Variants in ABLIM1 observed in about 807,000 individuals in gnomAD.
ABLIM1 encodes actin binding LIM protein 1.
A neutral mutation model predicts 107.0 loss-of-function variants in ABLIM1; 40 were observed. The observed-to-expected ratio is 0.37, with a 90% CI of 0.29 to 0.49. The LOEUF (loss-of-function observed/expected upper bound fraction) is 0.49. ABLIM1 is among the 20% of genes least tolerant of loss of function. The pLI, the probability that ABLIM1 is intolerant of heterozygous loss-of-function variation, is 0.97. For missense variants in ABLIM1, 857 were observed against 1,008.5 expected (o/e 0.85, Z 2.04); for synonymous variants, 357 against 357.3 (o/e 1.00, Z 0.01).
chr10:114,641,243 A>G (rs1051564635), intron 1 of ABLIM1, among the ~76,000 whole-genome samples: 1 of 136,952 alleles, frequency 7.3e-6, no homozygotes, highest in South Asian at 2.4e-4. Context: ...TGTGAAGCCA[A>G]TCATAAAAAA....
chr10:114,559,458 A>AAAAAG, intron 4 of ABLIM1, among the ~76,000 whole-genome samples: 1 of 145,792 alleles, frequency 6.9e-6, no homozygotes, highest in South Asian at 2.2e-4. Flanking sequence ...AAAAAAAAAA[A>AAAAAG]AAAAGAAAGA....
chr10:114,603,891 T>G (rs376718106), intron 1 of ABLIM1, among the ~76,000 whole-genome samples: 2 of 147,674 alleles, frequency 1.4e-5, no homozygotes, highest in East Asian at 3.9e-4. Flanking sequence ...AGGCAGAGGT[T>G]GCAGTGAGCC....
chr10:114,578,785 C>CTTTTTT (rs35420465), intron 2 of ABLIM1, among the ~76,000 whole-genome samples: 26 of 111,700 alleles, frequency 2.3e-4, no homozygotes, highest in Non-Finnish European at 3.2e-4. Context: ...TCTTTCTTTT[C>CTTTTTT]TTTTTTTTTT....
chr10:114,704,783 A>G (rs1047215988), intron 1 of ABLIM1, among the ~76,000 whole-genome samples: 5 of 152,116 alleles, frequency 3.3e-5, no homozygotes, highest in African/African-American at 1.2e-4. Context: ...GAATCCACAG[A>G]TTGTTTCCAA....
chr10:114,640,860 C>T (rs2078713455), intron 1 of ABLIM1, among the ~76,000 whole-genome samples: 1 of 152,030 alleles, frequency 6.6e-6, no homozygotes, highest in African/African-American at 2.4e-5. Flanking sequence ...TATTTGAGTA[C>T]CACTAATGGC....
chr10:114,761,705 A>G (rs531884711), intron 1 of ABLIM1, among the ~76,000 whole-genome samples: 2 of 151,280 alleles, frequency 1.3e-5, no homozygotes, highest in African/African-American at 4.9e-5. Flanking sequence ...CCATCTCCCA[A>G]CTCCACTGAG....
chr10:114,714,358 T>C (rs2081615307), intron 1 of ABLIM1, among the ~76,000 whole-genome samples: 1 of 152,140 alleles, frequency 6.6e-6, no homozygotes, highest in Non-Finnish European at 1.5e-5. Flanking sequence ...ACATGGAGTG[T>C]AGAGCTTTTT....
chr10:114,713,843 A>G (rs2081604467), intron 1 of ABLIM1, among the ~76,000 whole-genome samples: 1 of 152,240 alleles, frequency 6.6e-6, no homozygotes. Context: ...TGTAGAGAAC[A>G]TCGTGCCTCC....
chr10:114,630,324 A>T (rs2078093906), intron 1 of ABLIM1, among the ~76,000 whole-genome samples: 1 of 152,144 alleles, frequency 6.6e-6, no homozygotes, highest in South Asian at 2.1e-4. Flanking sequence ...GGGAGCTACA[A>T]ATGAAGAGAT....
At chr10:114,725,902 T>C (rs1166043026) in intron 1 of ABLIM1, among the ~76,000 whole-genome samples, 1 of 151,886 alleles carries the variant, frequency 6.6e-6, no homozygotes, top group Admixed American at 6.6e-5. Context: ...CACACCACCA[T>C]GCACAGCTAA....
At chr10:114,704,333 T>TC (rs1219229852) in intron 1 of ABLIM1, among the ~76,000 whole-genome samples, 726 of 58,378 alleles carry the variant, frequency 0.012, 8 homozygotes, top group Non-Finnish European at 0.018. Context: ...TATATATATA[T>TC]ATTGCGCGCG....
rs74158017 is a variant in ABLIM1 at position 114,544,352 on chromosome 10, T to C, written c.894+653A>G. ...AGTAGGGTAGCGACTCCTTCTGAAC[T>C]CTGGCCCCAGAATTCTGTGTCTCAC... On this transcript the variant is annotated intron_variant, in intron 6 of 22. Coordinates refer to ENST00000533213, the MANE Select transcript of ABLIM1 (RefSeq NM_002313.7). 7.3e-3 allele frequency among the ~76,000 whole-genome samples: 1,118 copies of C among 152,280 alleles called. 10 individuals are homozygous for C. Among genetic ancestry groups the C allele is most frequent in the African/African-American group, 0.025 (1,058 of 41,540 alleles).
At chr10:114,800,922 C>CA in the ABLIM1 span, among the ~76,000 whole-genome samples, 58 of 149,742 alleles carry the variant, frequency 3.9e-4, 1 homozygote, top group East Asian at 5.6e-3. Context: ...AAATAAAAAA[C>CA]AAAAAAAAAG....
chr10:114,472,678 C>G (rs1464729325), intron 10 of ABLIM1, among the ~76,000 whole-genome samples: 1 of 152,112 alleles, frequency 6.6e-6, no homozygotes, highest in Non-Finnish European at 1.5e-5. Context: ...GACCCTCACT[C>G]CCTTATTTGC....
intron 1 of ABLIM1, among the ~76,000 whole-genome samples, chr10:114,618,137 C>A (rs11196806): frequency 6.6e-6 from 1 of 152,076 alleles, no homozygotes; most frequent in Non-Finnish European, 1.5e-5. Context: ...GGTGAAGATT[C>A]GGCTCTTACC....
At position 114,468,207 on chromosome 10, in the gene ABLIM1, T is replaced by A. The variant is rs745604571; in HGVS notation, c.1285A>T (p.Thr429Ser). ...ERQSLGESPRTLSPTPSAEGY... is the reference protein window; with the variant it reads ...ERQSLGESPRSLSPTPSAEGY... ...TCTGCTGATGGAGTAGGAGACAAAG[T>A]CCTCGGAGACTAGAAAAATAAAAGA... The change falls in exon 11 of 23, where the codon ACT (threonine) becomes TCT (serine). Residue 429 changes from threonine (T) to serine (S), a missense_variant. By Grantham distance (58) the Thr-to-Ser change is moderately conservative. Around this residue, in one of 5 missense-constraint regions of ABLIM1, gnomAD observed 381 missense variants for 506.9 expected, o/e 0.75. Coordinates refer to ENST00000533213, the MANE Select transcript of ABLIM1 (RefSeq NM_002313.7). The A allele has an allele frequency of 6.8e-6, 11 of 1,612,868 alleles. No homozygotes were observed. Among genetic ancestry groups the A allele is most frequent in the Middle Eastern group, 3.3e-4 (2 of 6,058 alleles).
intron 1 of ABLIM1, among the ~76,000 whole-genome samples, chr10:114,735,671 T>C (rs2142214319): frequency 6.6e-6 from 1 of 152,346 alleles, no homozygotes; most frequent in South Asian, 2.1e-4. Context: ...GGTTTCACCA[T>C]GTTGGTCAGG....
chr10:114,445,255 A>C lies in ABLIM1; in HGVS notation c.1827+57T>G, dbSNP rs555674103. On this transcript the variant is annotated intron_variant, in intron 16 of 22. Coordinates refer to ENST00000533213, the MANE Select transcript of ABLIM1 (RefSeq NM_002313.7). ...TTTATACATAGTAGTCATTCAAAAA[A>C]TATAGATCTTATGTAACTAGCATTG... is the stretch of plus-strand genomic sequence containing the variant. The C allele has an allele frequency of 2.4e-5, 36 of 1,493,484 alleles. 1 individual carries two copies. The highest frequency in any genetic ancestry group is 1.8e-4 in the South Asian group (16 of 88,546). 92.5% of individuals were successfully genotyped at this position (1,493,484 alleles called of 1,614,324 possible).
chr10:114,436,254 T>C lies in ABLIM1; in HGVS notation c.*6A>G, dbSNP rs1400101017. On this transcript the variant is annotated 3_prime_UTR_variant, in exon 23 of 23. Transcript: ENST00000533213. ...CCTTTCTCTAATTGCCATTCACGAG[T>C]GGGACTTAGAAGAGTTTTGCTTTTT... 1 of 1,607,396 alleles carries C rather than the reference T, an allele frequency of 6.2e-7. No individual in the cohort carries two copies. Among genetic ancestry groups the C allele is most frequent in the Non-Finnish European group, 8.5e-7 (1 of 1,174,326 alleles).
Sources: allele counts gnomAD v4.1 joint callset (sites outside exome capture counted in the v4.1 genomes callset), GRCh38; gene constraint gnomAD v4.1.1; regional missense constraint gnomAD v4.1.1; transcripts MANE v1.5; gene names NCBI Gene and HGNC (gene_info 2026-07-23, HGNC 2026-07-21).